The following GALNTL6 variants were observed in gnomAD, a reference collection of about 807,000 sequenced individuals.
The protein encoded by GALNTL6 is polypeptide N-acetylgalactosaminyltransferase like 6, also known as polypeptide N-acetylgalactosaminyltransferase-like 6.
In GALNTL6, 46 loss-of-function variants were observed where a neutral mutation model predicts 73.7. The observed-to-expected ratio is 0.62, with a 90% confidence interval of 0.49 to 0.80. GALNTL6 has a LOEUF of 0.80. Among genes scored for constraint, GALNTL6 ranks in the 30% least tolerant of loss-of-function variants. The probability of loss-of-function intolerance (pLI) is 0.00; values close to 1 mark genes in which losing one functional copy is unlikely to be tolerated. For synonymous variants in GALNTL6, 259 were observed against 263.7 expected, an observed-to-expected ratio of 0.98 and a Z score of 0.17; for missense variants, 604 against 755.0, an observed-to-expected ratio of 0.80 and a Z score of 2.34.
chr4:171,939,946 C>T (rs544182792), intron 2 of GALNTL6, among the ~76,000 whole-genome samples: 67 of 152,200 alleles, frequency 4.4e-4, no homozygotes, highest in African/African-American at 1.6e-3. Flanking sequence ...CCTAAGTAGA[C>T]TTCCGATGAG....
intron 5 of GALNTL6, chr4:172,668,433 T>A (rs1731788798): frequency 6.6e-6 from 1 of 151,708 alleles, no homozygotes; most frequent in Non-Finnish European, 1.5e-5. Context: ...TAACCGGGAG[T>A]CCTAGAAAGA....
intron 3 of GALNTL6, among the ~76,000 whole-genome samples, chr4:172,270,049 T>C (rs1738587265): frequency 6.6e-6 from 1 of 152,134 alleles, no homozygotes; most frequent in African/African-American, 2.4e-5. Flanking sequence ...ATATTTCTCT[T>C]GTATCAGATT....
chr4:171,974,831 C>T (rs1442070259), intron 2 of GALNTL6, among the ~76,000 whole-genome samples: 1 of 152,116 alleles, frequency 6.6e-6, no homozygotes, highest in Non-Finnish European at 1.5e-5. Context: ...ATCATTCATT[C>T]ATCATTTTTA....
At chr4:172,418,963 G>C (rs1730949986) in intron 5 of GALNTL6, among the ~76,000 whole-genome samples, 1 of 151,748 alleles carries the variant, frequency 6.6e-6, no homozygotes, top group South Asian at 2.1e-4. Flanking sequence ...AAGCAATAGG[G>C]AACTTTTTTA....
chr4:172,615,926 T>C (rs1344169565), intron 5 of GALNTL6, among the ~76,000 whole-genome samples: 1 of 152,210 alleles, frequency 6.6e-6, no homozygotes, highest in Non-Finnish European at 1.5e-5. Flanking sequence ...AACACCTGAC[T>C]CTCTTGCTTT....
chr4:172,248,390 C>G (rs973387098), intron 3 of GALNTL6, among the ~76,000 whole-genome samples: 8 of 152,182 alleles, frequency 5.3e-5, no homozygotes, highest in Non-Finnish European at 8.8e-5. Context: ...AATGTTTCTA[C>G]TGCTTCTGTT....
chr4:173,025,808 A>C (rs541847270), intron 12 of GALNTL6, among the ~76,000 whole-genome samples: 1 of 152,298 alleles, frequency 6.6e-6, no homozygotes, highest in East Asian at 1.9e-4. Flanking sequence ...TTGTAAGGGG[A>C]TCTTGAATAG....
chr4:172,181,444 A>G (rs562632792), intron 2 of GALNTL6, among the ~76,000 whole-genome samples: 2 of 152,314 alleles, frequency 1.3e-5, no homozygotes, highest in South Asian at 4.1e-4. Context: ...TCAATAACAT[A>G]TCTCAAAATA....
intron 8 of GALNTL6, among the ~76,000 whole-genome samples, chr4:172,924,707 C>A (rs1461064925): frequency 6.6e-6 from 1 of 152,006 alleles, no homozygotes; most frequent in Non-Finnish European, 1.5e-5. Flanking sequence ...TAGCTCTGGC[C>A]AGGGGAGTGG....
chr4:172,502,742 G>A (rs188794738), intron 5 of GALNTL6, among the ~76,000 whole-genome samples: 12 of 152,266 alleles, frequency 7.9e-5, no homozygotes, highest in African/African-American at 2.9e-4. Context: ...TATTCTAGAA[G>A]AACACAACAT....
intron 2 of GALNTL6, among the ~76,000 whole-genome samples, chr4:171,855,405 G>A (rs943960765): frequency 3.0e-4 from 45 of 152,088 alleles, no homozygotes; most frequent in African/African-American, 1.0e-3. Context: ...TTTCTTTCAC[G>A]TAGCAATATG....
chr4:172,124,723 T>C (rs1029528851), intron 2 of GALNTL6, among the ~76,000 whole-genome samples: 2 of 152,198 alleles, frequency 1.3e-5, no homozygotes, highest in African/African-American at 4.8e-5. Context: ...AAAACTCTTT[T>C]AGGTAAACTG....
chr4:172,121,708 G>T (rs569535288), intron 2 of GALNTL6, among the ~76,000 whole-genome samples: 1 of 152,140 alleles, frequency 6.6e-6, no homozygotes, highest in African/African-American at 2.4e-5. Flanking sequence ...CTGGGTCCAT[G>T]GTAAGTTCAA....
At chr4:172,712,144 A>T (rs1734744695) in intron 5 of GALNTL6, among the ~76,000 whole-genome samples, 2 of 152,184 alleles carry the variant, frequency 1.3e-5, no homozygotes, top group South Asian at 4.1e-4. Context: ...GGAACGCCAT[A>T]AAGAAAAACA....
chr4:171,907,981 T>C (rs1737347954), intron 2 of GALNTL6, among the ~76,000 whole-genome samples: 1 of 151,914 alleles, frequency 6.6e-6, no homozygotes, highest in African/African-American at 2.4e-5. Flanking sequence ...TTACACCTTA[T>C]ACAAAAATTA....
intron 2 of GALNTL6, among the ~76,000 whole-genome samples, chr4:171,963,276 C>T (rs1739284973): frequency 6.6e-6 from 1 of 152,086 alleles, no homozygotes; most frequent in South Asian, 2.1e-4. Flanking sequence ...GCTAGGAGTA[C>T]ACCCAGGTCA....
At chr4:172,206,972 C>T (rs978968545) in intron 2 of GALNTL6, among the ~76,000 whole-genome samples, 11 of 151,492 alleles carry the variant, frequency 7.3e-5, no homozygotes, top group South Asian at 2.1e-4. Flanking sequence ...CACCCACCAC[C>T]ACGCCCGGCT....
intron 7 of GALNTL6, among the ~76,000 whole-genome samples, chr4:172,856,733 T>TGAGG (rs1274638665): frequency 1.3e-5 from 2 of 152,232 alleles, no homozygotes; most frequent in Admixed American, 1.3e-4. Flanking sequence ...CTTTCAGCTT[T>TGAGG]TTTATTCTTT....
chr4:172,737,437 T>C (rs1410166551), intron 5 of GALNTL6, among the ~76,000 whole-genome samples: 1 of 152,294 alleles, frequency 6.6e-6, no homozygotes, highest in Non-Finnish European at 1.5e-5. Flanking sequence ...TCAGCCAATA[T>C]ATTTCATAGT....
Sources: gnomAD v4.1 joint callset for allele counts (sites outside exome capture counted in the v4.1 genomes callset) on GRCh38, gnomAD v4.1.1 for gene constraint, MANE v1.5 for transcripts, NCBI Gene and HGNC (gene_info 2026-07-23, HGNC 2026-07-21) for gene names.